Variants in CSF2RA observed in about 807,000 individuals in gnomAD.
The protein encoded by CSF2RA is granulocyte-macrophage colony-stimulating factor receptor subunit alpha.
CSF2RA carries 42 observed loss-of-function variants against 51.6 expected under a neutral mutation model. That is an observed-to-expected ratio of 0.81 (90% CI 0.64 to 1.05). The LOEUF (loss-of-function observed/expected upper bound fraction) is 1.05, where lower values mean the gene tolerates loss of function less well. Among genes scored for constraint, CSF2RA ranks in the 50% least tolerant of loss-of-function variants. CSF2RA has a pLI of 0.00. For synonymous variants in CSF2RA, 222 were observed against 193.0 expected, an observed-to-expected ratio of 1.15 and a Z score of -1.24; for missense variants, 530 against 501.1, an observed-to-expected ratio of 1.06 and a Z score of -0.55.
rs560739549 is a variant in CSF2RA at position 1,276,149 on chromosome X, C to T, written c.-27+1331C>T. ...CCAAGTAGCTGGCATTACAGAGGTA[C>T]GCCACCACGCCTGGCTAAATTTTGT... is the stretch of plus-strand genomic sequence containing the variant. On this transcript the variant is annotated intron_variant, in intron 2 of 12. Coordinates refer to ENST00000381529, the MANE Select transcript of CSF2RA (RefSeq NM_172245.4). Among the ~76,000 whole-genome samples the T allele has an allele frequency of 1.4e-3, 213 of 150,644 alleles. 1 individual carries two copies. Among genetic ancestry groups the T allele is most frequent in the African/African-American group, 4.8e-3 (196 of 40,806 alleles).
At chrX:1,289,455 G>T (rs1160644311) in intron 6 of CSF2RA, among the ~76,000 whole-genome samples, 2 of 151,942 alleles carry the variant, frequency 1.3e-5, no homozygotes, top group Non-Finnish European at 2.9e-5. Flanking sequence ...GTTTTGTTTT[G>T]TGTTTTTTGT....
the CSF2RA span, among the ~76,000 whole-genome samples, chrX:1,323,208 A>G: frequency 6.6e-6 from 1 of 150,396 alleles, no homozygotes; most frequent in South Asian, 2.1e-4. Context: ...TTGCAGATGT[A>G]ATGAAGTAAA....
chrX:1,281,187 CT>C (rs2089995932), intron 2 of CSF2RA, among the ~76,000 whole-genome samples: 1 of 133,316 alleles, frequency 7.5e-6, no homozygotes. Context: ...CCTCCTTCTC[CT>C]TCTCCTCCTT....
At chrX:1,295,865 A>G (rs34213632) in intron 9 of CSF2RA, among the ~76,000 whole-genome samples, 21,465 of 95,426 alleles carry the variant, frequency 0.22, 2,353 homozygotes, top group African/African-American at 0.28. Context: ...ACCACACCTA[A>G]TGTAACTCTA....
At chrX:1,307,806 A>G (rs184883243) in intron 12 of CSF2RA, among the ~76,000 whole-genome samples, 2 of 136,030 alleles carry the variant, frequency 1.5e-5, no homozygotes, top group Admixed American at 7.4e-5. Context: ...TAGACCTTTG[A>G]CTGATTAGAT....
chrX:1,280,325 GC>G, intron 2 of CSF2RA, among the ~76,000 whole-genome samples: 1 of 151,966 alleles, frequency 6.6e-6, no homozygotes, highest in Non-Finnish European at 1.5e-5. Context: ...TGCAAAATTA[GC>G]CTGGCATAAT....
the CSF2RA span, among the ~76,000 whole-genome samples, chrX:1,319,118 C>T: frequency 6.8e-6 from 1 of 147,410 alleles, no homozygotes; most frequent in Non-Finnish European, 1.5e-5. Context: ...GCCTCAGCCT[C>T]CCTAGTAGCT....
chrX:1,307,912 C>CT (rs2148703859), intron 12 of CSF2RA, among the ~76,000 whole-genome samples: 1 of 150,030 alleles, frequency 6.7e-6, no homozygotes, highest in South Asian at 2.2e-4. Flanking sequence ...ACCCACCCTT[C>CT]CCATTTAGAC....
chrX:1,288,156 G>C (rs1291471862), intron 4 of CSF2RA, among the ~76,000 whole-genome samples: 1 of 151,930 alleles, frequency 6.6e-6, no homozygotes, highest in Non-Finnish European at 1.5e-5. Context: ...TTCACAAAGG[G>C]AGGCAGGTGC....
At chrX:1,278,159 C>A (rs1168564724) in intron 2 of CSF2RA, among the ~76,000 whole-genome samples, 3 of 145,354 alleles carry the variant, frequency 2.1e-5, no homozygotes, top group Admixed American at 7.0e-5. Flanking sequence ...CATGGTGAAA[C>A]CCCATCTCTA....
rs774472033 is a variant in CSF2RA at position 1,294,358 on chromosome X, T to A, written c.677T>A (p.Val226Glu). The change falls in exon 8 of 13, where the codon GTA (valine) becomes GAA (glutamate). Residue 226 changes from valine to glutamate, a missense_variant. Val to Glu is a moderately radical substitution (Grantham distance 121, BLOSUM62 -2). Transcript: ENST00000381529. ...ERFNPPSNVT[V>E]RCNTTHCLVR... ...TTCAACCCTCCCAGCAATGTCACCG[T>A]ACGTTGCAACACGACGCACTGCCTC... 6.2e-7 allele frequency: 1 copy of A among 1,613,808 alleles called. No individual in the cohort carries two copies. The highest frequency in any genetic ancestry group is 8.5e-7 in the Non-Finnish European group (1 of 1,179,858).
At position 1,295,475 on chromosome X, in the gene CSF2RA, C is replaced by A; in HGVS notation, c.810+19C>A. 6.2e-7 allele frequency: 1 copy of A among 1,613,318 alleles called. No individual in the cohort carries two copies. Among genetic ancestry groups the A allele is most frequent in the Non-Finnish European group, 8.5e-7 (1 of 1,179,486 alleles). On this transcript the variant is annotated intron_variant, in intron 9 of 12. Coordinates refer to ENST00000381529, the MANE Select transcript of CSF2RA (RefSeq NM_172245.4). ...CCTACTGGTAAGTGAAACCACAGAC[C>A]CTACTGACAACCCTCAGCGTAACCC... is the stretch of plus-strand genomic sequence containing the variant.
chrX:1,314,925 CCG>C (rs2084485269), downstream of CSF2RA, among the ~76,000 whole-genome samples: 2 of 93,274 alleles, frequency 2.1e-5, no homozygotes, highest in African/African-American at 7.9e-5. Flanking sequence ...ACCTGCCCAA[CCG>C]CACTGCACTT....
rs747822328 is a variant in CSF2RA, at chrX:1,283,123, GTTCCTTCCTTCC to G, written c.76+364_76+375del. 7.5e-4 allele frequency among the ~76,000 whole-genome samples: 71 copies of G among 94,766 alleles called. 1 individual carries two copies. Among genetic ancestry groups the G allele is most frequent in the African/African-American group, 2.2e-3 (63 of 28,642 alleles). 62.2% of individuals were successfully genotyped at this position (94,766 alleles called of 152,430 possible). A position where few individuals can be genotyped will look rare whatever the true frequency, so the allele number is the denominator to read the frequency against. On this transcript the variant is annotated intron_variant, in intron 3 of 12. Transcript: ENST00000381529. The stretch of plus-strand genomic sequence containing the variant: ...CCTTCCTTCGTTCCTTCGTTCCTTC[GTTCCTTCCTTCC>G]TTCCTTCCTTCCTTCCTTCGTTCCT...
At chrX:1,286,515 G>A (rs1199958541) in intron 4 of CSF2RA, among the ~76,000 whole-genome samples, 1 of 151,636 alleles carries the variant, frequency 6.6e-6, no homozygotes, top group Non-Finnish European at 1.5e-5. Context: ...GTTGCGGTGA[G>A]CCGAGATGGT....
intron 1 of CSF2RA, among the ~76,000 whole-genome samples, chrX:1,271,689 G>T (rs1245063916): frequency 6.7e-6 from 1 of 149,414 alleles, no homozygotes; most frequent in Non-Finnish European, 1.5e-5. Context: ...GCTAATTTTT[G>T]TATTTTTAGT....
the CSF2RA span, among the ~76,000 whole-genome samples, chrX:1,320,896 G>C: frequency 1.3e-5 from 2 of 151,338 alleles, no homozygotes; most frequent in African/African-American, 2.4e-5. Context: ...TTCGAGTACA[G>C]TGGCGCGATC....
chrX:1,286,517 C>G (rs867640292), intron 4 of CSF2RA, among the ~76,000 whole-genome samples: 2 of 151,304 alleles, frequency 1.3e-5, no homozygotes, highest in African/African-American at 4.9e-5. Context: ...TGCGGTGAGC[C>G]GAGATGGTGC....
At chrX:1,294,745 G>A (rs1482525375) in intron 8 of CSF2RA, among the ~76,000 whole-genome samples, 1 of 151,778 alleles carries the variant, frequency 6.6e-6, no homozygotes. Flanking sequence ...CACAAGCAAG[G>A]AGAGCCTCTG....
Sources: gnomAD v4.1 joint callset for allele counts (sites outside exome capture counted in the v4.1 genomes callset) on GRCh38, gnomAD v4.1.1 for gene constraint, MANE v1.5 for transcripts, NCBI Gene and HGNC (gene_info 2026-07-23, HGNC 2026-07-21) for gene names.